NPIPB2: variants seen among roughly 807,000 people sequenced by gnomAD.
NPIPB2 encodes nuclear pore complex-interacting protein family member B2.
NPIPB2 carries 27 observed loss-of-function variants against 30.8 expected under a neutral mutation model. The observed-to-expected ratio is 0.88, with a 90% CI of 0.65 to 1.21. NPIPB2 has a LOEUF of 1.21. NPIPB2 is among the 50% of genes most tolerant of loss of function. NPIPB2 has a pLI of 0.00. For synonymous variants in NPIPB2, 147 were observed against 162.0 expected, an observed-to-expected ratio of 0.91 and a Z score of 0.70; for missense variants, 440 against 446.2, an observed-to-expected ratio of 0.99 and a Z score of 0.13.
At chr16:11,975,140 C>CCTTTTCTTTT (rs1362951446) in intron 1 of NPIPB2, among the ~76,000 whole-genome samples, 4 of 68,112 alleles carry the variant, frequency 5.9e-5, no homozygotes, top group East Asian at 5.8e-4. Context: ...CAATCCATCA[C>CCTTTTCTTTT]CTTTTTTTTT....
At chr16:11,927,393 C>T (rs1322410980) in exon 8 of NPIPB2, 5 of 931,808 alleles carry the variant, frequency 5.4e-6, no homozygotes, top group African/African-American at 1.6e-5. Context: ...GTGCAATGGC[C>T]TGTTCTCAGC....
upstream of NPIPB2, among the ~76,000 whole-genome samples, chr16:11,945,311 T>C (rs559766112): frequency 6.6e-6 from 1 of 151,760 alleles, no homozygotes; most frequent in Non-Finnish European, 1.5e-5. Context: ...AGGCCAGGAG[T>C]TCGAGGCTGC....
rs540737841 is a variant in NPIPB2 at position 11,933,327 on chromosome 16, G to A, written c.488+190C>T. On this transcript the variant is annotated intron_variant, in intron 4 of 7. Transcript: ENST00000399147. The stretch of plus-strand genomic sequence containing the variant: ...GCAACTCCTCTTCCCCTGAAAAAAT[G>A]ACAAACAAGAATGTAGGAAGGGAAA... Among the ~76,000 whole-genome samples, 469 of 151,266 alleles carry A rather than the reference G, an allele frequency of 3.1e-3. 2 individuals are homozygous for A. Among genetic ancestry groups the A allele is most frequent in the African/African-American group, 0.011 (450 of 41,302 alleles).
intron 1 of NPIPB2, among the ~76,000 whole-genome samples, chr16:11,958,921 C>T (rs578246351): frequency 6.6e-6 from 1 of 152,182 alleles, no homozygotes; most frequent in African/African-American, 2.4e-5. Flanking sequence ...GGAGTGGGAC[C>T]AGAGGAGTCA....
At chr16:11,952,409 A>T (rs992036641) in intron 1 of NPIPB2, among the ~76,000 whole-genome samples, 5 of 152,006 alleles carry the variant, frequency 3.3e-5, no homozygotes, top group Non-Finnish European at 5.9e-5. Context: ...CTATCTTAGC[A>T]GGTATGCCGT....
chr16:11,937,772 C>A, intron 1 of NPIPB2, 104 bp from the exon 2 acceptor site: 4 of 1,457,264 alleles, frequency 2.7e-6, no homozygotes, highest in Non-Finnish European at 3.7e-6. Flanking sequence ...CAAAAGGTAA[C>A]CACATCCCTC....
intron 1 of NPIPB2, among the ~76,000 whole-genome samples, chr16:11,975,538 C>G (rs566267832): frequency 3.9e-5 from 6 of 152,128 alleles, no homozygotes; most frequent in African/African-American, 1.4e-4. Context: ...ACCACCTGCT[C>G]TTTCTCCACC....
intron 1 of NPIPB2, among the ~76,000 whole-genome samples, chr16:11,975,901 C>T (rs528660298): frequency 6.6e-6 from 1 of 151,580 alleles, no homozygotes; most frequent in Non-Finnish European, 1.5e-5. Context: ...GCCTAGGAGC[C>T]ATATCTTAAA....
Position 11,948,766 on chromosome 16 carries a change from C to CAAA in NPIPB2, c.-583-6655_-583-6653dup, listed in dbSNP as rs34639444. On this transcript the variant is annotated intron_variant, in intron 1 of 5. Coordinates refer to the NPIPB2 transcript ENST00000538896. ...TGGGTGACAGAGCGAGACTCCGTCT[C>CAAA]AAAAAAAAAAAAAAAAAAAAAAAAA... Among the ~76,000 whole-genome samples, 330 of 67,214 alleles carry CAAA rather than the reference C, an allele frequency of 4.9e-3. 42 individuals are homozygous for CAAA. The highest frequency in any genetic ancestry group is 0.031 in the Middle Eastern group (2 of 64). 44.1% of individuals were successfully genotyped at this position (67,214 alleles called of 152,430 possible).
At chr16:11,932,945 G>A (rs554999398) in intron 4 of NPIPB2, among the ~76,000 whole-genome samples, 20 of 149,500 alleles carry the variant, frequency 1.3e-4, no homozygotes, top group African/African-American at 4.7e-4. Flanking sequence ...GCGACAGAGC[G>A]AGACTCTATC....
chr16:11,948,574 G>A (rs982495897), intron 1 of NPIPB2, among the ~76,000 whole-genome samples: 3 of 151,838 alleles, frequency 2.0e-5, no homozygotes, highest in East Asian at 3.9e-4. Context: ...AGACCATCCC[G>A]GCTAAAACGG....
At chr16:11,965,240 G>T in intron 1 of NPIPB2, 2 of 1,558,278 alleles carry the variant, frequency 1.3e-6, no homozygotes, top group Non-Finnish European at 1.8e-6. Context: ...TGCTCTTGCT[G>T]CATTTGCTCT....
chr16:11,965,725 CATTA>C (rs1567478982), intron 1 of NPIPB2, among the ~76,000 whole-genome samples: 1 of 152,110 alleles, frequency 6.6e-6, no homozygotes, highest in South Asian at 2.1e-4. Flanking sequence ...AGTCAATGTT[CATTA>C]ATTAAGGTGA....
Position 11,934,177 on chromosome 16 carries a change from C to T in NPIPB2, c.193-253G>A, listed in dbSNP as rs557114268. ...GCTGGGAGGCGGAGGTTGCAGTGAG[C>T]CGAGATCACACCACTGCACTCCAGC... On this transcript the variant is annotated intron_variant, in intron 2 of 7. Coordinates refer to ENST00000399147, the Ensembl canonical transcript of NPIPB2. Among the ~76,000 whole-genome samples the T allele has an allele frequency of 2.2e-3, 325 of 149,960 alleles. 3 individuals are homozygous for T. The highest frequency in any genetic ancestry group is 7.7e-3 in the African/African-American group (311 of 40,566).
chr16:11,944,843 C>T (rs1395595369), upstream of NPIPB2, among the ~76,000 whole-genome samples: 5 of 151,236 alleles, frequency 3.3e-5, no homozygotes, highest in Admixed American at 2.6e-4. Flanking sequence ...GAAGCCCTCT[C>T]TGTTCAAAAT....
At chr16:11,967,788 A>G (rs768869498) in intron 1 of NPIPB2, 1 of 1,614,242 alleles carries the variant, frequency 6.2e-7, no homozygotes, top group Non-Finnish European at 8.5e-7. Context: ...TGACTATTGC[A>G]AGAGCCTGCC....
chr16:11,967,578 C>T (rs1410947280), intron 1 of NPIPB2: 1 of 1,612,196 alleles, frequency 6.2e-7, no homozygotes, highest in Non-Finnish European at 8.5e-7. Context: ...AGGATCAGGT[C>T]TCCTGGGCAT....
chr16:11,934,166 G>T (rs1567465634), intron 2 of NPIPB2, among the ~76,000 whole-genome samples: 2 of 150,214 alleles, frequency 1.3e-5, no homozygotes, highest in Non-Finnish European at 1.5e-5. Flanking sequence ...GGAGGCGGAG[G>T]TTGCAGTGAG....
At chr16:11,947,489 C>T (rs948601404) in intron 1 of NPIPB2, among the ~76,000 whole-genome samples, 49 of 151,698 alleles carry the variant, frequency 3.2e-4, no homozygotes, top group African/African-American at 5.1e-4. Context: ...GGACTACAGG[C>T]GCACGATGCC....
Sources: gnomAD v4.1 joint callset for allele counts (sites outside exome capture counted in the v4.1 genomes callset) on GRCh38, gnomAD v4.1.1 for gene constraint, MANE v1.5 for transcripts, NCBI Gene and HGNC (gene_info 2026-07-23, HGNC 2026-07-21) for gene names.